The following MROH7 variants were observed in gnomAD, a reference collection of about 807,000 sequenced individuals.
MROH7 encodes maestro heat-like repeat-containing protein family member 7.
Under a neutral mutation model 129.2 loss-of-function variants are expected in MROH7, and 113 were observed. That is an observed-to-expected ratio of 0.87 (90% CI 0.75 to 1.02). MROH7 has a LOEUF of 1.02. Ranked by LOEUF, MROH7 falls within the 50% of genes least tolerant of loss-of-function variation. MROH7 has a pLI of 0.00. For missense variants in MROH7, 1,601 were observed against 1,671.3 expected, an observed-to-expected ratio of 0.96 and a Z score of 0.73; for synonymous variants, 655 against 667.9, an observed-to-expected ratio of 0.98 and a Z score of 0.30.
chr1:54,674,197 G>C, intron 10 of MROH7, 46 bp downstream of exon 10: 1 of 1,588,052 alleles, frequency 6.3e-7, no homozygotes, highest in South Asian at 1.2e-5. Context: ...CTGAGTTGTT[G>C]CTCAGTCTGG....
intron 3 of MROH7, chr1:54,663,673 C>T: frequency 2.6e-6 from 1 of 388,482 alleles, no homozygotes; most frequent in African/African-American, 2.2e-5. Flanking sequence ...CGTGCCCGGC[C>T]CCCATCAGCT....
chr1:54,704,524 A>G (rs1342004789), intron 21 of MROH7, among the ~76,000 whole-genome samples: 2 of 137,624 alleles, frequency 1.5e-5, no homozygotes, highest in African/African-American at 5.6e-5. Flanking sequence ...TGCAACCTCC[A>G]CCTTAGGGGG....
chr1:54,675,609 T>C (rs1644968031), intron 10 of MROH7, among the ~76,000 whole-genome samples: 1 of 151,822 alleles, frequency 6.6e-6, no homozygotes, highest in Admixed American at 6.6e-5. Context: ...GCCTTTTTTT[T>C]TTTTTTGAGA....
rs1031272425 is a variant in MROH7 at position 54,654,668 on chromosome 1, C to T, written c.1231+511C>T. On this transcript the variant is annotated intron_variant, in intron 3 of 23. Transcript: ENST00000421030. ...AGCCTGGGCAACAAGAGCAAAACTC[C>T]GTCTCAAAAAAGAAAAAAAAATCAC... Among the ~76,000 whole-genome samples, 5 of 137,004 alleles carry T rather than the reference C, an allele frequency of 3.6e-5. No homozygotes were observed. The East Asian group carries it at 6.6e-4, about 18-fold the overall frequency. 89.9% of individuals were successfully genotyped at this position (137,004 alleles called of 152,430 possible). A position where few individuals can be genotyped will look rare whatever the true frequency, so the allele number is the denominator to read the frequency against.
At chr1:54,647,820 G>A (rs759902781) in intron 1 of MROH7, among the ~76,000 whole-genome samples, 7 of 147,690 alleles carry the variant, frequency 4.7e-5, no homozygotes, top group Admixed American at 1.4e-4. Context: ...CAGGAGAATC[G>A]CTTGAACCTG....
intron 1 of MROH7, among the ~76,000 whole-genome samples, chr1:54,650,000 A>G (rs1644530696): frequency 6.6e-6 from 1 of 152,220 alleles, no homozygotes; most frequent in Non-Finnish European, 1.5e-5. Context: ...CTTGCTTCCA[A>G]GGCAGATGCA....
rs1553168662 is a variant in MROH7 at position 54,648,376 on chromosome 1, A to ATTTATTTT, written c.-109-3570_-109-3569insATTTTTTT. 1.5e-3 allele frequency among the ~76,000 whole-genome samples: 218 copies of ATTTATTTT among 141,110 alleles called. 1 individual carries two copies. The highest frequency in any genetic ancestry group is 5.6e-3 in the African/African-American group (211 of 37,956). 92.6% of individuals were successfully genotyped at this position (141,110 alleles called of 152,430 possible). On this transcript the variant is annotated intron_variant, in intron 1 of 23. Transcript: ENST00000421030. ...TATTTATTTATTTATTTATTTATTT[A>ATTTATTTT]TTTTTTGAGACGGAGTTTCGCTCCT...
Position 54,706,331 on chromosome 1 carries a change from T to C in MROH7, c.3565-104T>C, listed in dbSNP as rs775923526. 92 of 785,254 alleles carry C rather than the reference T, an allele frequency of 1.2e-4. 1 individual carries two copies. Among genetic ancestry groups the C allele is most frequent in the Non-Finnish European group, 1.9e-4 (85 of 456,086 alleles). The allele number at this position is 785,254 out of a possible 1,614,324, so 48.6% of individuals were successfully genotyped here. ...CTCATGCAGAGGGAGCAGATATATT[T>C]GGGAGGCAGGGGGTGAGGGTCACCA... On this transcript the variant is annotated intron_variant, in intron 21 of 23. Transcript: ENST00000421030.
chr1:54,710,140 T>G lies in MROH7; in HGVS notation c.3925T>G (p.Trp1309Gly). Residue 1309 changes from tryptophan (W) to glycine (G), a missense_variant, in exon 24 of 24, where the codon TGG becomes GGG. By Grantham distance (184) the Trp-to-Gly change is radical (BLOSUM62 -2). Transcript: ENST00000421030. ...NLPTSHQRRS[W>G]IMQALGSWKM... is the part of the protein sequence containing the mutation. The stretch of plus-strand genomic sequence containing the variant: ...GCCCACTTCCCACCAGCGGCGCTCC[T>G]GGATCATGCAGGCACTGGGCTCCTG... The G allele has an allele frequency of 6.2e-7, 1 of 1,613,740 alleles. No individual in the cohort carries two copies. Among genetic ancestry groups the G allele is most frequent in the Non-Finnish European group, 8.5e-7 (1 of 1,179,976 alleles).
At chr1:54,692,386 C>G (rs1348200592) in intron 15 of MROH7, 38 bp from the exon 16 acceptor site, 6 of 1,609,634 alleles carry the variant, frequency 3.7e-6, no homozygotes, top group Non-Finnish European at 5.1e-6. Flanking sequence ...TGCTAGGGCC[C>G]AGGTAGGCAT....
rs1644676758 is a variant in MROH7 at position 54,658,123 on chromosome 1, C to T, written c.1231+3966C>T. Among the ~76,000 whole-genome samples, 6 of 152,304 alleles carry T rather than the reference C, an allele frequency of 3.9e-5. No individual in the cohort carries two copies. In the Middle Eastern group the frequency reaches 0.017, roughly 432 times the overall value. On this transcript the variant is annotated intron_variant, in intron 3 of 23. Coordinates refer to ENST00000421030, the MANE Select transcript of MROH7 (RefSeq NM_001039464.4). ...CATTTTCCAGTCCCCCAGCCCCTAGCCACCACCATTCTACTGTTTCTATGA... is the reference window on the plus strand; with the variant it reads ...CATTTTCCAGTCCCCCAGCCCCTAGTCACCACCATTCTACTGTTTCTATGA...
At chr1:54,707,144 CAAAA>C (rs1216170982) in intron 22 of MROH7, among the ~76,000 whole-genome samples, 1 of 152,084 alleles carries the variant, frequency 6.6e-6, no homozygotes, top group East Asian at 1.9e-4. Context: ...AACAAACAAA[CAAAA>C]AACACCAAAA....
intron 4 of MROH7, among the ~76,000 whole-genome samples, chr1:54,668,002 C>G (rs1184136782): frequency 6.6e-6 from 1 of 152,188 alleles, no homozygotes; most frequent in Non-Finnish European, 1.5e-5. Context: ...CTGGGTGTTT[C>G]TTCTGCTCCA....
intron 15 of MROH7, among the ~76,000 whole-genome samples, chr1:54,687,711 A>G (rs1049049734): frequency 1.3e-5 from 2 of 152,172 alleles, no homozygotes; most frequent in African/African-American, 2.4e-5. Flanking sequence ...GAGCACTGCC[A>G]CCAGCAGTGT....
At chr1:54,645,892 A>T (rs1215053376) in intron 1 of MROH7, among the ~76,000 whole-genome samples, 1 of 151,820 alleles carries the variant, frequency 6.6e-6, no homozygotes, top group Non-Finnish European at 1.5e-5. Flanking sequence ...AGCTCAAATG[A>T]TCCACCCACC....
At chr1:54,646,161 G>A (rs528658065) in intron 1 of MROH7, among the ~76,000 whole-genome samples, 1 of 152,280 alleles carries the variant, frequency 6.6e-6, no homozygotes, top group East Asian at 1.9e-4. Flanking sequence ...GGTGGGGGAG[G>A]CCAGAAGATG....
chr1:54,644,474 C>A (rs1237750725), intron 1 of MROH7, among the ~76,000 whole-genome samples: 1 of 151,936 alleles, frequency 6.6e-6, no homozygotes, highest in East Asian at 1.9e-4. Flanking sequence ...TCATGAGTAG[C>A]TGGGATTAGA....
At chr1:54,704,032 C>T (rs1272561007) in intron 21 of MROH7, among the ~76,000 whole-genome samples, 2 of 152,084 alleles carry the variant, frequency 1.3e-5, no homozygotes, top group African/African-American at 2.4e-5. Context: ...TAATCCCTCC[C>T]GTGTGAAGGG....
intron 4 of MROH7, chr1:54,665,510 G>A: frequency 3.2e-6 from 1 of 316,122 alleles, no homozygotes; most frequent in Non-Finnish European, 5.8e-6. Context: ...ACGGTGCCTG[G>A]CACATAATAG....
Sources: allele counts gnomAD v4.1 joint callset (sites outside exome capture counted in the v4.1 genomes callset), GRCh38; gene constraint gnomAD v4.1.1; transcripts MANE v1.5; gene names NCBI Gene and HGNC (gene_info 2026-07-23, HGNC 2026-07-21).